Variants in RORB observed in about 807,000 individuals in gnomAD.
RORB encodes the protein RAR related orphan receptor B.
In RORB, 6 loss-of-function variants were observed where a neutral mutation model predicts 59.1. That is an observed-to-expected ratio of 0.10 (90% CI 0.06 to 0.20). The LOEUF is 0.20. Ranked by LOEUF, RORB falls within the 10% of genes least tolerant of loss-of-function variation. The pLI, the probability that RORB is intolerant of heterozygous loss-of-function variation, is 1.00. For synonymous variants in RORB, 215 were observed against 204.5 expected (o/e 1.05, Z -0.44); for missense variants, 320 against 560.5 (o/e 0.57, Z 4.33).
chr9:74,591,269 T>C (rs1234565271), intron 1 of RORB, among the ~76,000 whole-genome samples: 1 of 152,230 alleles, frequency 6.6e-6, no homozygotes, highest in Admixed American at 6.5e-5. Flanking sequence ...ACGTCACCTT[T>C]TAAAAATGGC....
intron 1 of RORB, among the ~76,000 whole-genome samples, chr9:74,523,464 A>G (rs1305803958): frequency 6.6e-6 from 1 of 151,928 alleles, no homozygotes; most frequent in African/African-American, 2.4e-5. Flanking sequence ...GCAAAATCTT[A>G]TTCTTGTACC....
At chr9:74,612,344 G>A (rs1038161815) in intron 1 of RORB, among the ~76,000 whole-genome samples, 5 of 152,160 alleles carry the variant, frequency 3.3e-5, no homozygotes, top group African/African-American at 1.2e-4. Context: ...GTGAGTGCCT[G>A]AAGACAGAGC....
intron 1 of RORB, among the ~76,000 whole-genome samples, chr9:74,500,150 C>T (rs1015036409): frequency 6.6e-6 from 1 of 152,160 alleles, no homozygotes; most frequent in Non-Finnish European, 1.5e-5. Flanking sequence ...CGCCCTAGGA[C>T]CCCTTACAAC....
In RORB at chr9:74,686,458, A is replaced by C. The variant is rs41287417; in HGVS notation, c.*840A>C. On this transcript the variant is annotated 3_prime_UTR_variant, in exon 10 of 10. Coordinates refer to ENST00000376896, the MANE Select transcript of RORB (RefSeq NM_006914.4). ...ATTTTCCTGTTTCAAGAATTAGGCC[A>C]CAGATAACATTGCAAGGTCCAAGAC... The C allele has an allele frequency of 2.0e-5, 3 of 152,316 alleles. No homozygotes were observed. The highest frequency in any genetic ancestry group is 7.2e-5 in the African/African-American group (3 of 41,464). 9.4% of individuals were successfully genotyped at this position (152,316 alleles called of 1,614,324 possible).
rs147232942 is a variant in RORB, at chr9:74,555,748, G to A, written c.7+57765G>A. 4.0e-3 allele frequency among the ~76,000 whole-genome samples: 611 copies of A among 152,260 alleles called. 2 individuals carry two copies. Among genetic ancestry groups the A allele is most frequent in the African/African-American group, 9.8e-3 (406 of 41,554 alleles). On this transcript the variant is annotated intron_variant, in intron 1 of 9. Coordinates refer to ENST00000376896, the MANE Select transcript of RORB (RefSeq NM_006914.4). ...TTGGGCTCAGGGGTTGGCAGCAGCT[G>A]CAAATAAGAACTAATAATGTTTCAT...
chr9:74,593,977 A>G (rs1335759225), intron 1 of RORB, among the ~76,000 whole-genome samples: 3 of 152,210 alleles, frequency 2.0e-5, no homozygotes, highest in Non-Finnish European at 4.4e-5. Context: ...TATAATCAGA[A>G]AAAATAAAAA....
intron 1 of RORB, among the ~76,000 whole-genome samples, chr9:74,626,397 TATTA>T (rs1361675395): frequency 1.3e-5 from 2 of 152,216 alleles, no homozygotes; most frequent in Admixed American, 1.3e-4. Context: ...TAAACAAAAA[TATTA>T]ATTAATACAT....
intron 1 of RORB, among the ~76,000 whole-genome samples, chr9:74,556,880 T>C (rs1357414323): frequency 6.6e-6 from 1 of 152,154 alleles, no homozygotes; most frequent in Non-Finnish European, 1.5e-5. Flanking sequence ...CCAGAAATTT[T>C]GTGGCTTTCT....
chr9:74,644,461 C>G (rs767381615), intron 4 of RORB, among the ~76,000 whole-genome samples: 1 of 152,128 alleles, frequency 6.6e-6, no homozygotes, highest in East Asian at 1.9e-4. Flanking sequence ...GAAACCGAAG[C>G]TTAGAGATGT....
At chr9:74,516,930 T>C (rs982877068) in intron 1 of RORB, among the ~76,000 whole-genome samples, 3 of 152,062 alleles carry the variant, frequency 2.0e-5, no homozygotes, top group Non-Finnish European at 4.4e-5. Context: ...ATACCCATTG[T>C]GTTTTTTACA....
intron 1 of RORB, among the ~76,000 whole-genome samples, chr9:74,505,693 T>C (rs900358026): frequency 6.6e-6 from 1 of 152,132 alleles, no homozygotes; most frequent in African/African-American, 2.4e-5. Flanking sequence ...GTTAATTTGT[T>C]CATCATAAAT....
At chr9:74,627,180 A>C (rs540228906) in intron 1 of RORB, among the ~76,000 whole-genome samples, 1 of 150,716 alleles carries the variant, frequency 6.6e-6, no homozygotes, top group African/African-American at 2.4e-5. Flanking sequence ...AAAAAAGTAT[A>C]AACTATAAAG....
intron 1 of RORB, among the ~76,000 whole-genome samples, chr9:74,545,840 A>T (rs1826477970): frequency 6.6e-6 from 1 of 152,250 alleles, no homozygotes; most frequent in East Asian, 1.9e-4. Flanking sequence ...ATCTATTATC[A>T]TTGGCATAAG....
At position 74,690,503 on chromosome 9, in the gene RORB, G is replaced by A. The variant is rs1470763987; in HGVS notation, c.*4885G>A. On this transcript the variant is annotated 3_prime_UTR_variant, in exon 10 of 10. Transcript: ENST00000376896. ...TCTGAAATTATACATGATGGCAGTT[G>A]ATTCAGAGCTTAGTGCAGACCAAAC... 6.6e-6 allele frequency: 1 copy of A among 152,186 alleles called. No individual in the cohort carries two copies. Among genetic ancestry groups the A allele is most frequent in the Non-Finnish European group, 1.5e-5 (1 of 68,042 alleles). The allele number at this position is 152,186 out of a possible 1,614,324, so 9.4% of individuals were successfully genotyped here. A position where few individuals can be genotyped will look rare whatever the true frequency, so the allele number is the denominator to read the frequency against.
Position 74,686,584 on chromosome 9 carries a change from T to G in RORB, c.*966T>G, listed in dbSNP as rs1277367857. 2.6e-5 allele frequency: 4 copies of G among 152,222 alleles called. No individual in the cohort carries two copies. The highest frequency in any genetic ancestry group is 9.6e-5 in the African/African-American group (4 of 41,460). The allele number at this position is 152,222 out of a possible 1,614,324, so 9.4% of individuals were successfully genotyped here. On this transcript the variant is annotated 3_prime_UTR_variant, in exon 10 of 10. Transcript: ENST00000376896. Reference sequence around the variant, plus strand: ...GGTTGTGAAACAAGCTTGATTTCAGTGCTTATTGTGTCTTCAACTGAAAAA... The same window carrying G: ...GGTTGTGAAACAAGCTTGATTTCAGGGCTTATTGTGTCTTCAACTGAAAAA...
At chr9:74,621,002 AAAATAATTGAGC>A (rs1178976573) in intron 1 of RORB, among the ~76,000 whole-genome samples, 1 of 152,238 alleles carries the variant, frequency 6.6e-6, no homozygotes, top group East Asian at 1.9e-4. Context: ...TTAGATTTAC[AAAATAATTGAGC>A]AAATAGTACA....
chr9:74,663,841 C>T (rs1257702435), intron 6 of RORB, among the ~76,000 whole-genome samples: 2 of 152,080 alleles, frequency 1.3e-5, no homozygotes, highest in Admixed American at 6.5e-5. Context: ...AAAGCTAGCA[C>T]CCCAAGAGAA....
chr9:74,517,201 A>G (rs1244362588), intron 1 of RORB, among the ~76,000 whole-genome samples: 1 of 152,032 alleles, frequency 6.6e-6, no homozygotes, highest in East Asian at 1.9e-4. Flanking sequence ...TTTTAAAAAA[A>G]CTGAAATTCT....
At chr9:74,661,636 CTTTTTTTTTTTTTT>C (rs779927558) in intron 5 of RORB, among the ~76,000 whole-genome samples, 3 of 79,590 alleles carry the variant, frequency 3.8e-5, no homozygotes, top group African/African-American at 9.6e-5. Flanking sequence ...TTCTTTTTTC[CTTTTTTTTTTTTTT>C]TTTTTTTTTT....
Sources: gnomAD v4.1 joint callset for allele counts (sites outside exome capture counted in the v4.1 genomes callset) on GRCh38, gnomAD v4.1.1 for gene constraint, MANE v1.5 for transcripts, NCBI Gene and HGNC (gene_info 2026-07-23, HGNC 2026-07-21) for gene names.